The following MYRIP variants were observed in gnomAD, a reference collection of about 807,000 sequenced individuals.
The protein encoded by MYRIP is myosin VIIA and Rab interacting protein.
A neutral mutation model predicts 98.0 loss-of-function variants in MYRIP; 49 were observed. The ratio of observed to expected loss-of-function variants is 0.50; its 90% CI spans 0.40 to 0.63. The LOEUF (loss-of-function observed/expected upper bound fraction) is 0.63. MYRIP is among the 30% of genes least tolerant of loss of function. MYRIP has a pLI of 0.00. For missense variants in MYRIP, 1,004 were observed against 1,058.2 expected (o/e 0.95, Z 0.71); for synonymous variants, 404 against 409.5 (o/e 0.99, Z 0.16).
chr3:39,998,831 T>C (rs1428325091), intron 2 of MYRIP, among the ~76,000 whole-genome samples: 1 of 152,086 alleles, frequency 6.6e-6, no homozygotes, highest in Non-Finnish European at 1.5e-5. Flanking sequence ...AAAACAGAGA[T>C]ATAGACCAAT....
At chr3:39,993,106 G>T (rs543212598) in intron 2 of MYRIP, among the ~76,000 whole-genome samples, 1 of 152,120 alleles carries the variant, frequency 6.6e-6, no homozygotes, top group African/African-American at 2.4e-5. Flanking sequence ...AGATTGAGGG[G>T]TCAGCATCTG....
intron 1 of MYRIP, among the ~76,000 whole-genome samples, chr3:39,812,185 C>T (rs1053877643): frequency 1.3e-5 from 2 of 152,178 alleles, no homozygotes; most frequent in Non-Finnish European, 2.9e-5. Flanking sequence ...CCAATCTTCC[C>T]ATTACCCCTA....
chr3:39,869,776 T>C (rs180963627), intron 1 of MYRIP, among the ~76,000 whole-genome samples: 24 of 152,234 alleles, frequency 1.6e-4, no homozygotes, highest in Admixed American at 1.0e-3. Context: ...TCCCCCAAAC[T>C]CCTCATCTCC....
intron 1 of MYRIP, among the ~76,000 whole-genome samples, chr3:39,827,877 A>AG (rs900461951): frequency 1.5e-5 from 2 of 135,356 alleles, no homozygotes; most frequent in African/African-American, 2.8e-5. Flanking sequence ...CTTGATTGGC[A>AG]GTTTTTTTTT....
chr3:40,126,069 CT>C (rs1184537286), intron 3 of MYRIP, among the ~76,000 whole-genome samples: 1 of 152,216 alleles, frequency 6.6e-6, no homozygotes, highest in Non-Finnish European at 1.5e-5. Flanking sequence ...GGATGGGATT[CT>C]GTTGTTTTCC....
chr3:39,846,750 T>C (rs573668466), intron 1 of MYRIP, among the ~76,000 whole-genome samples: 35 of 152,298 alleles, frequency 2.3e-4, no homozygotes, highest in Middle Eastern at 6.8e-3. Context: ...ACAATATGCA[T>C]ATTTATAGAA....
chr3:40,156,167 G>A (rs1430547199), intron 4 of MYRIP, among the ~76,000 whole-genome samples: 1 of 151,420 alleles, frequency 6.6e-6, no homozygotes, highest in Non-Finnish European at 1.5e-5. Context: ...ATTAATTTTT[G>A]TATAAGGTGT....
intron 3 of MYRIP, among the ~76,000 whole-genome samples, chr3:40,091,308 T>C (rs1230873448): frequency 4.6e-5 from 6 of 131,180 alleles, no homozygotes; most frequent in Non-Finnish European, 1.0e-4. Flanking sequence ...AAACCTTTCC[T>C]TCTAGTACTA....
At chr3:40,034,293 A>C (rs903734444) in intron 2 of MYRIP, among the ~76,000 whole-genome samples, 5 of 152,126 alleles carry the variant, frequency 3.3e-5, no homozygotes, top group Non-Finnish European at 7.4e-5. Flanking sequence ...GCCACCTACA[A>C]AATGGGAGAA....
intron 3 of MYRIP, among the ~76,000 whole-genome samples, chr3:40,058,038 C>T (rs1947918240): frequency 2.0e-5 from 3 of 152,140 alleles, no homozygotes; most frequent in Admixed American, 2.0e-4. Flanking sequence ...GAAGTTGCTG[C>T]ATGGGTATTT....
chr3:39,857,500 A>G (rs1371707707), intron 1 of MYRIP, among the ~76,000 whole-genome samples: 1 of 152,208 alleles, frequency 6.6e-6, no homozygotes, highest in Non-Finnish European at 1.5e-5. Flanking sequence ...AATCAAGCAG[A>G]GGAAAGAATC....
intron 2 of MYRIP, among the ~76,000 whole-genome samples, chr3:39,966,144 A>G (rs1945436933): frequency 6.6e-6 from 1 of 152,104 alleles, no homozygotes; most frequent in Non-Finnish European, 1.5e-5. Context: ...GCCTCTCAGA[A>G]CTAGGCTTTC....
chr3:40,068,744 C>T (rs1015165666), intron 3 of MYRIP, among the ~76,000 whole-genome samples: 1 of 152,192 alleles, frequency 6.6e-6, no homozygotes, highest in African/African-American at 2.4e-5. Context: ...GGTACATCAT[C>T]CCTGGCTTCA....
intron 3 of MYRIP, among the ~76,000 whole-genome samples, chr3:40,124,272 C>T (rs1183591089): frequency 6.6e-6 from 1 of 152,206 alleles, no homozygotes; most frequent in African/African-American, 2.4e-5. Context: ...AGCTCTGAGT[C>T]CCAAACACAG....
At chr3:39,932,847 C>T (rs1290606647) in intron 2 of MYRIP, among the ~76,000 whole-genome samples, 1 of 152,160 alleles carries the variant, frequency 6.6e-6, no homozygotes, top group Non-Finnish European at 1.5e-5. Flanking sequence ...GTGTCAGAGG[C>T]CAGGAGCCTC....
At chr3:39,995,087 GA>G (rs909853209) in intron 2 of MYRIP, among the ~76,000 whole-genome samples, 1 of 151,974 alleles carries the variant, frequency 6.6e-6, no homozygotes, top group Non-Finnish European at 1.5e-5. Context: ...AAAGATGGGG[GA>G]AAAAAACAGC....
chr3:40,166,129 T>C (rs1484646372), intron 5 of MYRIP, among the ~76,000 whole-genome samples: 1 of 152,234 alleles, frequency 6.6e-6, no homozygotes, highest in East Asian at 1.9e-4. Context: ...GTGTTGTTAA[T>C]ACTGGTTGAT....
intron 2 of MYRIP, among the ~76,000 whole-genome samples, chr3:39,919,239 C>A (rs945074134): frequency 6.6e-6 from 1 of 152,188 alleles, no homozygotes; most frequent in African/African-American, 2.4e-5. Flanking sequence ...TCCAGCTACG[C>A]CCTACCTGCT....
chr3:40,086,075 C>T (rs1948619939), intron 3 of MYRIP, among the ~76,000 whole-genome samples: 1 of 151,870 alleles, frequency 6.6e-6, no homozygotes, highest in Non-Finnish European at 1.5e-5. Flanking sequence ...AGGATGGGAT[C>T]CCAAAAAATG....
Sources: gnomAD v4.1 joint callset for allele counts (sites outside exome capture counted in the v4.1 genomes callset) on GRCh38, gnomAD v4.1.1 for gene constraint, MANE v1.5 for transcripts, NCBI Gene and HGNC (gene_info 2026-07-23, HGNC 2026-07-21) for gene names.